Variants in IQCH observed in about 807,000 individuals in gnomAD.
The protein encoded by IQCH is IQ motif containing H.
A neutral mutation model predicts 117.0 loss-of-function variants in IQCH; 98 were observed. That is an observed-to-expected ratio of 0.84 (90% CI 0.71 to 0.99). The LOEUF is 0.99. Ranked by LOEUF, IQCH falls within the 50% of genes least tolerant of loss-of-function variation. IQCH has a pLI of 0.00. For synonymous variants in IQCH, 412 were observed against 448.2 expected, an observed-to-expected ratio of 0.92 and a Z score of 1.02; for missense variants, 1,102 against 1,243.8, an observed-to-expected ratio of 0.89 and a Z score of 1.72.
In IQCH at chr15:67,406,030, T is replaced by C. The variant is rs1199645580; in HGVS notation, c.2097+5725T>C. The C allele has an allele frequency of 6.6e-6, 1 of 152,246 alleles. No individual in the cohort carries two copies. The highest frequency in any genetic ancestry group is 1.5e-5 in the Non-Finnish European group (1 of 68,060). 9.4% of individuals were successfully genotyped at this position (152,246 alleles called of 1,614,324 possible). ...GCTCTTGCAACCCAACTGCCTCATA[T>C]ACCTGGTTATGTGCATGGGTGATGA... On this transcript the variant is annotated intron_variant, in intron 14 of 20. Coordinates refer to ENST00000335894, the MANE Select transcript of IQCH (RefSeq NM_001031715.3). The surrounding 1 kb of genome is among the most constrained non-coding windows in gnomAD (Gnocchi z 4.5).
At chr15:67,256,085 A>G (rs1196514181) in intron 1 of IQCH, among the ~76,000 whole-genome samples, 2 of 152,182 alleles carry the variant, frequency 1.3e-5, no homozygotes, top group East Asian at 1.9e-4. Flanking sequence ...ACATTCAATG[A>G]TTCACTAGAA....
At chr15:67,329,509 T>C (rs1437771644) in intron 4 of IQCH, among the ~76,000 whole-genome samples, 1 of 152,092 alleles carries the variant, frequency 6.6e-6, no homozygotes, top group African/African-American at 2.4e-5. Context: ...GGTCTGTCTG[T>C]CACTCAGGCT....
rs780318552 is a variant in IQCH, at chr15:67,369,434, A to G, written c.754-2677A>G. ...AAAAAATTGCCGTCAAGTCAGTAAT[A>G]TCATATTGGGAGTACAGCACATCTT... is the stretch of plus-strand genomic sequence containing the variant. On this transcript the variant is annotated intron_variant, in intron 8 of 20. Transcript: ENST00000335894. This position sits in a 1 kb window ranked among gnomAD's most constrained non-coding sequence, Gnocchi z 5.2. Among the ~76,000 whole-genome samples, 2 of 151,892 alleles carry G rather than the reference A, an allele frequency of 1.3e-5. No homozygotes were observed. Among genetic ancestry groups the G allele is most frequent in the Non-Finnish European group, 2.9e-5 (2 of 67,982 alleles).
chr15:67,378,813 A>G (rs943127250), intron 10 of IQCH, among the ~76,000 whole-genome samples: 1 of 152,152 alleles, frequency 6.6e-6, no homozygotes, highest in Non-Finnish European at 1.5e-5. Flanking sequence ...ATTTTTCACT[A>G]TAAAAGATAA....
chr15:67,286,212 T>A (rs752029704), intron 4 of IQCH, among the ~76,000 whole-genome samples: 7 of 152,228 alleles, frequency 4.6e-5, no homozygotes, highest in Non-Finnish European at 1.0e-4. Context: ...GGGATTACTG[T>A]CTTGATTTCT....
Position 67,465,624 on chromosome 15 carries a change from T to C in IQCH, c.2676+327T>C, listed in dbSNP as rs1207161319. 6.6e-6 allele frequency among the ~76,000 whole-genome samples: 1 copy of C among 152,172 alleles called. No individual in the cohort carries two copies. The highest frequency in any genetic ancestry group is 1.5e-5 in the Non-Finnish European group (1 of 68,024). On this transcript the variant is annotated intron_variant, in intron 17 of 20. Transcript: ENST00000335894. The surrounding 1 kb of genome is among the most constrained non-coding windows in gnomAD (Gnocchi z 5.9). ...CCCATATTTTTCTAGCCCCACTCTC[T>C]TTTGTGAGCTTCAGATTCATGGGTC... is the stretch of plus-strand genomic sequence containing the variant.
rs1195374623 is a variant in IQCH, at chr15:67,342,274, GCAAAA to G, written c.509-1779_509-1775del. 1.3e-5 allele frequency among the ~76,000 whole-genome samples: 2 copies of G among 152,112 alleles called. No homozygotes were observed. The highest frequency in any genetic ancestry group is 6.6e-5 in the Admixed American group (1 of 15,266). On this transcript the variant is annotated intron_variant, in intron 5 of 20. Transcript: ENST00000335894. The surrounding 1 kb of genome is among the most constrained non-coding windows in gnomAD (Gnocchi z 4.7). ...AGAATGAGACCCTGTCTCTAAAAAA[GCAAAA>G]CAAAACAAAGATGCATACAGAGTCC...
intron 16 of IQCH, among the ~76,000 whole-genome samples, chr15:67,449,484 C>G (rs1380050724): frequency 2.6e-5 from 4 of 152,174 alleles, no homozygotes; most frequent in Non-Finnish European, 5.9e-5. Context: ...AATAGGGAAT[C>G]CTTTCCCCAT....
chr15:67,259,722 T>A lies in IQCH; in HGVS notation c.52-1550T>A, dbSNP rs539072093. ...AAGGAGGAACCAAAAAATGCAGGCC[T>A]AGAGAGGGCCTTGCCCTTGAACTGC... On this transcript the variant is annotated intron_variant, in intron 1 of 20. Transcript: ENST00000335894. Among the ~76,000 whole-genome samples the A allele has an allele frequency of 6.6e-5, 10 of 152,382 alleles. 2 individuals carry two copies. Among genetic ancestry groups the A allele is most frequent in the African/African-American group, 2.4e-4 (10 of 41,596 alleles).
chr15:67,394,835 T>G (rs1174131453), intron 12 of IQCH, among the ~76,000 whole-genome samples: 1 of 152,182 alleles, frequency 6.6e-6, no homozygotes, highest in African/African-American at 2.4e-5. Context: ...TCGGGTCAAG[T>G]GCCTTTTTCC....
chr15:67,468,596 AT>A (rs1280030709), intron 17 of IQCH, among the ~76,000 whole-genome samples: 3 of 152,250 alleles, frequency 2.0e-5, no homozygotes, highest in Non-Finnish European at 4.4e-5. Context: ...AGAGCAGTTC[AT>A]TATGCATGTG....
At chr15:67,295,121 G>A (rs923228765) in intron 4 of IQCH, among the ~76,000 whole-genome samples, 4 of 151,966 alleles carry the variant, frequency 2.6e-5, no homozygotes, top group Non-Finnish European at 5.9e-5. Context: ...CATACCTCCA[G>A]CACCCTTGTC....
chr15:67,265,892 T>A (rs1201737420), intron 3 of IQCH, among the ~76,000 whole-genome samples: 2 of 152,180 alleles, frequency 1.3e-5, no homozygotes, highest in East Asian at 3.8e-4. Context: ...ATTCATTGCA[T>A]TTTTCTTCTA....
In IQCH at chr15:67,466,185, T is replaced by A. The variant is rs2082928285; in HGVS notation, c.2676+888T>A. Among the ~76,000 whole-genome samples, 2 of 152,140 alleles carry A rather than the reference T, an allele frequency of 1.3e-5. No homozygotes were observed. The highest frequency in any genetic ancestry group is 2.9e-5 in the Non-Finnish European group (2 of 68,030). On this transcript the variant is annotated intron_variant, in intron 17 of 20. Transcript: ENST00000335894. This position sits in a 1 kb window ranked among gnomAD's most constrained non-coding sequence, Gnocchi z 4.4. The stretch of plus-strand genomic sequence containing the variant: ...TGGGGCTGGCTGCGGGTTACCAACC[T>A]CAGCACCCTGAGTAACAAAGGGCAT...
At chr15:67,446,878 C>T (rs145814905) in intron 16 of IQCH, among the ~76,000 whole-genome samples, 1 of 152,130 alleles carries the variant, frequency 6.6e-6, no homozygotes, top group East Asian at 1.9e-4. Flanking sequence ...GTGACTTGCC[C>T]GAAGTCCCAC....
At position 67,395,618 on chromosome 15, in the gene IQCH, T is replaced by C. The variant is rs1369931653; in HGVS notation, c.1905+55T>C. The C allele has an allele frequency of 3.9e-6, 6 of 1,556,458 alleles. No homozygotes were observed. The highest frequency in any genetic ancestry group is 1.4e-5 in the African/African-American group (1 of 73,416). On this transcript the variant is annotated intron_variant, in intron 13 of 20. Coordinates refer to ENST00000335894, the MANE Select transcript of IQCH (RefSeq NM_001031715.3). The surrounding 1 kb of genome is among the most constrained non-coding windows in gnomAD (Gnocchi z 4.0). Reference sequence around the variant, plus strand: ...TCAAATATTTGAAACATCCTCTTGATCTTGGACAATTTCCAAGTCTTCTGG... The same window carrying C: ...TCAAATATTTGAAACATCCTCTTGACCTTGGACAATTTCCAAGTCTTCTGG...
chr15:67,423,561 C>G (rs1420121249), intron 16 of IQCH, among the ~76,000 whole-genome samples: 1 of 144,732 alleles, frequency 6.9e-6, no homozygotes, highest in African/African-American at 2.6e-5. Context: ...GCACTCCAGT[C>G]TGGGTGACAG....
chr15:67,487,150 T>C (rs1191878514), intron 18 of IQCH, among the ~76,000 whole-genome samples: 3 of 152,192 alleles, frequency 2.0e-5, no homozygotes, highest in African/African-American at 4.8e-5. Context: ...CTGACCAACA[T>C]GGTGAAACCT....
chr15:67,429,406 T>A (rs1346633866), intron 16 of IQCH, among the ~76,000 whole-genome samples: 1 of 152,140 alleles, frequency 6.6e-6, no homozygotes, highest in Admixed American at 6.5e-5. Context: ...TAGTCCCAGC[T>A]ACTCAGGAGA....
Sources: allele counts gnomAD v4.1 joint callset (sites outside exome capture counted in the v4.1 genomes callset), GRCh38; gene constraint gnomAD v4.1.1; non-coding constraint Gnocchi (gnomAD v3.1); transcripts MANE v1.5; gene names NCBI Gene and HGNC (gene_info 2026-07-23, HGNC 2026-07-21).